Variants in IGF2BP3 observed in about 807,000 individuals in gnomAD.
The protein encoded by IGF2BP3 is insulin-like growth factor 2 mRNA-binding protein 3.
IGF2BP3 carries 9 observed loss-of-function variants against 73.8 expected under a neutral mutation model. That is an observed-to-expected ratio of 0.12 (90% CI 0.07 to 0.21). IGF2BP3 has a LOEUF of 0.21. IGF2BP3 is among the 10% of genes least tolerant of loss of function. The pLI, the probability that IGF2BP3 is intolerant of heterozygous loss-of-function variation, is 1.00. For synonymous variants in IGF2BP3, 258 were observed against 256.7 expected (o/e 1.01, Z -0.05); for missense variants, 542 against 714.0 (o/e 0.76, Z 2.75).
intron 3 of IGF2BP3, among the ~76,000 whole-genome samples, chr7:23,369,839 G>A (rs1239531501): frequency 6.6e-6 from 1 of 151,996 alleles, no homozygotes; most frequent in Non-Finnish European, 1.5e-5. Context: ...ATACCACTAT[G>A]GGCGTGAGGT....
intron 7 of IGF2BP3, 103 bp downstream of exon 7, chr7:23,347,496 AT>A (rs1784857827): frequency 8.1e-7 from 1 of 1,237,418 alleles, no homozygotes; most frequent in South Asian, 1.4e-5. Context: ...TCAGGATATC[AT>A]TTCCCTCTGT....
At chr7:23,424,175 C>A (rs117786972) in intron 2 of IGF2BP3, among the ~76,000 whole-genome samples, 1 of 149,978 alleles carries the variant, frequency 6.7e-6, no homozygotes, top group African/African-American at 2.5e-5. Context: ...AGGGGAAATA[C>A]GGTAAATTTT....
intron 10 of IGF2BP3, among the ~76,000 whole-genome samples, chr7:23,339,772 C>A (rs558648660): frequency 1.3e-5 from 2 of 152,152 alleles, no homozygotes; most frequent in Non-Finnish European, 2.9e-5. Context: ...CACAGAGTTA[C>A]GTCACATGAT....
chr7:23,463,836 G>T (rs1182831078), intron 2 of IGF2BP3, among the ~76,000 whole-genome samples: 5 of 152,126 alleles, frequency 3.3e-5, no homozygotes, highest in African/African-American at 1.2e-4. Flanking sequence ...GAGAAAATAT[G>T]AAATTAGGAA....
chr7:23,432,195 G>A (rs371687318), intron 2 of IGF2BP3, among the ~76,000 whole-genome samples: 44 of 152,158 alleles, frequency 2.9e-4, no homozygotes, highest in African/African-American at 9.4e-4. Context: ...ACAGCCAGAC[G>A]TGCATGGATG....
At chr7:23,328,964 C>G (rs1397132417) in intron 10 of IGF2BP3, among the ~76,000 whole-genome samples, 1 of 152,100 alleles carries the variant, frequency 6.6e-6, no homozygotes. Context: ...AATCCCAGCA[C>G]TTTGGCAGGC....
chr7:23,459,484 C>T (rs965023322), intron 2 of IGF2BP3, among the ~76,000 whole-genome samples: 1 of 152,108 alleles, frequency 6.6e-6, no homozygotes, highest in Non-Finnish European at 1.5e-5. Context: ...AACGTTTTGG[C>T]CAACAGTTTC....
intron 2 of IGF2BP3, among the ~76,000 whole-genome samples, chr7:23,447,290 A>G (rs1020446061): frequency 6.6e-6 from 1 of 151,794 alleles, no homozygotes; most frequent in East Asian, 1.9e-4. Flanking sequence ...TAAACAAACA[A>G]ACAAAAAACT....
intron 2 of IGF2BP3, among the ~76,000 whole-genome samples, chr7:23,440,008 A>C (rs1192032640): frequency 6.6e-6 from 1 of 152,180 alleles, no homozygotes; most frequent in African/African-American, 2.4e-5. Flanking sequence ...TCACACCTGT[A>C]ATCACAGCAC....
At chr7:23,415,480 T>A (rs977137774) in intron 3 of IGF2BP3, 2 of 182,978 alleles carry the variant, frequency 1.1e-5, no homozygotes, top group Non-Finnish European at 2.2e-5. Context: ...CATCACCGCA[T>A]CCGCAGGTCC....
At chr7:23,381,330 A>T (rs1785903060) in intron 3 of IGF2BP3, among the ~76,000 whole-genome samples, 1 of 152,246 alleles carries the variant, frequency 6.6e-6, no homozygotes, top group African/African-American at 2.4e-5. Context: ...GAGAAGAGTC[A>T]GGATGTGAAC....
At chr7:23,452,568 C>T (rs1273547591) in intron 2 of IGF2BP3, among the ~76,000 whole-genome samples, 2 of 152,052 alleles carry the variant, frequency 1.3e-5, no homozygotes, top group Non-Finnish European at 2.9e-5. Flanking sequence ...CTTTGGGAGG[C>T]TGAGACGGGT....
intron 3 of IGF2BP3, chr7:23,362,595 CTG>C (rs1453561152): frequency 6.6e-6 from 1 of 152,146 alleles, no homozygotes; most frequent in Non-Finnish European, 1.5e-5. Flanking sequence ...AGAACAGTAA[CTG>C]TAAGTTTATT....
At chr7:23,375,615 A>G (rs925614062) in intron 3 of IGF2BP3, among the ~76,000 whole-genome samples, 2 of 152,216 alleles carry the variant, frequency 1.3e-5, no homozygotes, top group Non-Finnish European at 2.9e-5. Context: ...GTTCAGAACA[A>G]AGCCTGATTA....
chr7:23,443,178 T>G (rs930839467), intron 2 of IGF2BP3, among the ~76,000 whole-genome samples: 2 of 141,182 alleles, frequency 1.4e-5, no homozygotes, highest in South Asian at 2.3e-4. Context: ...CCACACCCAG[T>G]GCAGTGGTGC....
chr7:23,379,064 G>T (rs1234739784), intron 3 of IGF2BP3, among the ~76,000 whole-genome samples: 2 of 152,226 alleles, frequency 1.3e-5, no homozygotes, highest in African/African-American at 4.8e-5. Flanking sequence ...GACTAGTGGA[G>T]TCCCTCCCTC....
chr7:23,319,323 T>C, intron 10 of IGF2BP3, 69 bp from the exon 11 acceptor site: 1 of 993,806 alleles, frequency 1.0e-6, no homozygotes, highest in Non-Finnish European at 1.6e-6. Context: ...AACATTAGCT[T>C]TAGGAAGGAC....
At chr7:23,438,048 A>G (rs2128544067) in intron 2 of IGF2BP3, among the ~76,000 whole-genome samples, 1 of 152,374 alleles carries the variant, frequency 6.6e-6, no homozygotes, top group African/African-American at 2.4e-5. Context: ...ATATTCAGGA[A>G]AATTGTTCAA....
chr7:23,330,653 G>A (rs989394115), intron 10 of IGF2BP3, among the ~76,000 whole-genome samples: 7 of 152,060 alleles, frequency 4.6e-5, no homozygotes, highest in East Asian at 1.9e-4. Flanking sequence ...AATGTTGGCC[G>A]GGCTGGTCTT....
Sources: allele counts gnomAD v4.1 joint callset (sites outside exome capture counted in the v4.1 genomes callset), GRCh38; gene constraint gnomAD v4.1.1; transcripts MANE v1.5; gene names NCBI Gene and HGNC (gene_info 2026-07-23, HGNC 2026-07-21).